Variants in TTLL7 observed in about 807,000 individuals in gnomAD.
TTLL7 encodes tubulin polyglutamylase TTLL7.
Under a neutral mutation model 120.2 loss-of-function variants are expected in TTLL7, and 53 were observed. The observed-to-expected ratio is 0.44, with a 90% CI of 0.35 to 0.55. The LOEUF is 0.55. Among genes scored for constraint, TTLL7 ranks in the 20% least tolerant of loss-of-function variants. The probability of loss-of-function intolerance (pLI) is 0.00; values close to 1 mark genes in which losing one functional copy is unlikely to be tolerated. For missense variants in TTLL7, 803 were observed against 1,054.7 expected, an observed-to-expected ratio of 0.76 and a Z score of 3.31; for synonymous variants, 353 against 351.7, an observed-to-expected ratio of 1.00 and a Z score of -0.04.
At chr1:83,905,638 A>C (rs1046549060) in intron 17 of TTLL7, among the ~76,000 whole-genome samples, 3 of 151,720 alleles carry the variant, frequency 2.0e-5, no homozygotes, top group Non-Finnish European at 4.4e-5. Flanking sequence ...CCAAAAAACA[A>C]GGTTCTATTA....
chr1:83,910,062 A>G (rs1274632116), intron 15 of TTLL7, among the ~76,000 whole-genome samples: 3 of 152,176 alleles, frequency 2.0e-5, no homozygotes, highest in Non-Finnish European at 4.4e-5. Flanking sequence ...AACACAATAC[A>G]TTAATTCCCC....
intron 20 of TTLL7, among the ~76,000 whole-genome samples, chr1:83,880,598 T>C (rs913912249): frequency 6.6e-6 from 1 of 152,014 alleles, no homozygotes; most frequent in African/African-American, 2.4e-5. Flanking sequence ...CACTGACTTT[T>C]TGAGTATCAC....
At chr1:83,906,499 T>C (rs752704909) in intron 16 of TTLL7, 36 bp from the exon 17 acceptor site, 1 of 1,610,006 alleles carries the variant, frequency 6.2e-7, no homozygotes, top group Non-Finnish European at 8.5e-7. Context: ...TTGGAGGGGG[T>C]CTTATTTCAT....
At chr1:83,984,244 C>G (rs1040790712) in intron 1 of TTLL7, 1 of 152,180 alleles carries the variant, frequency 6.6e-6, no homozygotes, top group African/African-American at 2.4e-5. Context: ...GTCAGAATGG[C>G]AACTAACAAA....
At chr1:83,909,572 CAA>C (rs1293442800) in intron 15 of TTLL7, among the ~76,000 whole-genome samples, 1 of 151,866 alleles carries the variant, frequency 6.6e-6, no homozygotes, top group Non-Finnish European at 1.5e-5. Flanking sequence ...AGACTTGTTA[CAA>C]TTCCTCGTGA....
At chr1:83,959,102 A>T (rs1649792978) in intron 1 of TTLL7, among the ~76,000 whole-genome samples, 1 of 152,246 alleles carries the variant, frequency 6.6e-6, no homozygotes, top group South Asian at 2.1e-4. Context: ...CATGAGTCAA[A>T]AAATAAAATA....
At chr1:83,965,907 A>C (rs1650419652) in intron 1 of TTLL7, among the ~76,000 whole-genome samples, 1 of 152,078 alleles carries the variant, frequency 6.6e-6, no homozygotes, top group South Asian at 2.1e-4. Flanking sequence ...TGAGAATGCT[A>C]ACATCATTTA....
chr1:83,986,658 A>G (rs1410721894), intron 1 of TTLL7, among the ~76,000 whole-genome samples: 1 of 152,190 alleles, frequency 6.6e-6, no homozygotes, highest in Non-Finnish European at 1.5e-5. Flanking sequence ...CAGCCTGACC[A>G]ATAATTGTGA....
chr1:83,981,619 G>T (rs1241794413), intron 1 of TTLL7: 1 of 152,294 alleles, frequency 6.6e-6, no homozygotes, highest in African/African-American at 2.4e-5. Flanking sequence ...CATGAGGTCA[G>T]GAGATCGAGA....
At position 83,918,808 on chromosome 1, in the gene TTLL7, G is replaced by A. The variant is rs867915078; in HGVS notation, c.1500+891C>T. Among the ~76,000 whole-genome samples the A allele has an allele frequency of 2.0e-5, 3 of 152,132 alleles. No homozygotes were observed. In the South Asian group the frequency reaches 6.2e-4, roughly 31 times the overall value. On this transcript the variant is annotated intron_variant, in intron 13 of 20. Coordinates refer to ENST00000260505, the MANE Select transcript of TTLL7 (RefSeq NM_024686.6). ...CCAAAGAGGAACAAGTTCTTCCTAG[G>A]TGAGCAGAGATGAGTGGCCATTTTC...
Position 83,952,266 on chromosome 1 carries a change from A to T in TTLL7, c.-55T>A. The T allele has an allele frequency of 6.2e-7, 1 of 1,605,580 alleles. No homozygotes were observed. Among genetic ancestry groups the T allele is most frequent in the Non-Finnish European group, 8.5e-7 (1 of 1,174,204 alleles). The stretch of plus-strand genomic sequence containing the variant: ...GTGCTGCTGTACCAAGCTCTCAGGA[A>T]ATCTGGAAATTCCACATTAGTCTAA... On this transcript the variant is annotated 5_prime_UTR_variant, in exon 2 of 21. Transcript: ENST00000260505.
chr1:83,870,829 G>C (rs1162192491), intron 20 of TTLL7, among the ~76,000 whole-genome samples: 1 of 151,396 alleles, frequency 6.6e-6, no homozygotes, highest in Non-Finnish European at 1.5e-5. Flanking sequence ...GGAATCACTT[G>C]AACTCAGGGG....
Position 83,946,618 on chromosome 1 carries a change from T to C in TTLL7, c.506+506A>G, listed in dbSNP as rs6693499. ...GTTAACATGTCCAGCTCTTGGAACT[T>C]CAGTTTAAAATGTGTTCTACTCATT... On this transcript the variant is annotated intron_variant, in intron 6 of 20. Transcript: ENST00000260505. Among the ~76,000 whole-genome samples the C allele has an allele frequency of 5.0e-3, 760 of 152,364 alleles. 12 individuals carry two copies. The highest frequency in any genetic ancestry group is 0.017 in the African/African-American group (726 of 41,584).
chr1:83,914,471 A>G (rs545005444), intron 14 of TTLL7, among the ~76,000 whole-genome samples: 52 of 151,984 alleles, frequency 3.4e-4, no homozygotes, highest in Middle Eastern at 3.4e-3. Context: ...AGCTGGGACT[A>G]CAGGCGCATG....
intron 1 of TTLL7, among the ~76,000 whole-genome samples, chr1:83,958,245 G>T (rs1310082238): frequency 1.3e-5 from 2 of 152,106 alleles, no homozygotes; most frequent in African/African-American, 2.4e-5. Flanking sequence ...AATGAACAAT[G>T]ATATTGAAAA....
Position 83,952,192 on chromosome 1 carries a change from T to C in TTLL7, c.20A>G (p.Glu7Gly). 1 of 1,613,878 alleles carries C rather than the reference T, an allele frequency of 6.2e-7. No individual in the cohort carries two copies. The highest frequency in any genetic ancestry group is 8.5e-7 in the Non-Finnish European group (1 of 1,179,810). The change falls in exon 2 of 21, where the codon GAA becomes GGA. Residue 7 changes from glutamate to glycine, a missense_variant. Glu to Gly is a moderately conservative substitution (Grantham distance 98). Around this residue, in one of 3 missense-constraint regions of TTLL7, gnomAD observed 91 missense variants for 96.6 expected, o/e 0.94. Transcript: ENST00000260505. ...AGTTAAGTCAATTTCCCTACCTCCT[T>C]CTTGAGGCAGAGATGGCATTATTGC... MPSLPQ[E>G]GVIQGPSPLD...
intron 15 of TTLL7, among the ~76,000 whole-genome samples, chr1:83,908,051 T>A (rs1657354463): frequency 6.6e-6 from 1 of 152,096 alleles, no homozygotes; most frequent in Non-Finnish European, 1.5e-5. Flanking sequence ...GAAGTAGGGA[T>A]CTCCATTGCC....
rs371538485 is a variant in TTLL7 at position 83,950,025 on chromosome 1, C to A, written c.158-39G>T. ...GTTAAGTTAAACCAAAATTAAAATACTTCTGAAATATATTCATTGCAGAAA... is the reference window on the plus strand; with the variant it reads ...GTTAAGTTAAACCAAAATTAAAATAATTCTGAAATATATTCATTGCAGAAA... On this transcript the variant is annotated intron_variant, in intron 3 of 20. Coordinates refer to ENST00000260505, the MANE Select transcript of TTLL7 (RefSeq NM_024686.6). 3.3e-6 allele frequency: 5 copies of A among 1,534,138 alleles called. No homozygotes were observed. The African/African-American group carries it at 6.9e-5, about 21-fold the overall frequency.
intron 7 of TTLL7, among the ~76,000 whole-genome samples, chr1:83,940,614 C>T (rs1232145941): frequency 1.3e-5 from 2 of 152,126 alleles, no homozygotes; most frequent in African/African-American, 4.8e-5. Context: ...ACAAATCCAA[C>T]CTGTGACCAT....
Sources: allele counts gnomAD v4.1 joint callset (sites outside exome capture counted in the v4.1 genomes callset), GRCh38; gene constraint gnomAD v4.1.1; regional missense constraint gnomAD v4.1.1; transcripts MANE v1.5; gene names NCBI Gene and HGNC (gene_info 2026-07-23, HGNC 2026-07-21).